Variants in ABLIM2 observed in about 807,000 individuals in gnomAD.
ABLIM2 encodes the protein actin binding LIM protein family member 2, also known as actin-binding LIM protein 2.
A neutral mutation model predicts 97.7 loss-of-function variants in ABLIM2; 53 were observed. That is an observed-to-expected ratio of 0.54 (90% confidence interval 0.44 to 0.68). The LOEUF (loss-of-function observed/expected upper bound fraction) is 0.68, where lower values mean the gene tolerates loss of function less well. ABLIM2 is among the 30% of genes least tolerant of loss of function. ABLIM2 has a pLI of 0.00. For synonymous variants in ABLIM2, 361 were observed against 345.8 expected, an observed-to-expected ratio of 1.04 and a Z score of -0.49; for missense variants, 835 against 867.2, an observed-to-expected ratio of 0.96 and a Z score of 0.47.
chr4:8,077,836 C>A, intron 5 of ABLIM2, 115 bp from the exon 6 acceptor site: 2 of 826,020 alleles, frequency 2.4e-6, no homozygotes, highest in Non-Finnish European at 3.9e-6. Context: ...CCCACCTCCT[C>A]CTGCTCAGGT....
rs1444279576 is a variant in ABLIM2 at position 7,970,920 on chromosome 4, G to C, written c.1825-3817C>G. 6.6e-6 allele frequency among the ~76,000 whole-genome samples: 1 copy of C among 152,038 alleles called. No homozygotes were observed. Among genetic ancestry groups the C allele is most frequent in the African/African-American group, 2.4e-5 (1 of 41,416 alleles). On this transcript the variant is annotated intron_variant, in intron 20 of 20. Transcript: ENST00000447017. The surrounding 1 kb of genome is among the most constrained non-coding windows in gnomAD (Gnocchi z 5.3). ...GGACTTGGGGCCAGGGGTCTAGGGG[G>C]CTGACAGGGACCACCTCCCCGCAGG...
intron 6 of ABLIM2, among the ~76,000 whole-genome samples, chr4:8,073,960 G>A (rs889830883): frequency 6.6e-6 from 1 of 151,730 alleles, no homozygotes; most frequent in African/African-American, 2.4e-5. Context: ...GGTGGCTCAC[G>A]CCTGTAATCC....
chr4:7,995,847 C>G (rs1752946985), intron 16 of ABLIM2, among the ~76,000 whole-genome samples: 1 of 152,196 alleles, frequency 6.6e-6, no homozygotes, highest in Non-Finnish European at 1.5e-5. Context: ...CTCCCCCTCC[C>G]AGCCCCTCCT....
In ABLIM2 at chr4:8,095,897, C is replaced by T. The variant is rs1831324795; in HGVS notation, c.338+1202G>A. On this transcript the variant is annotated intron_variant, in intron 3 of 20. Transcript: ENST00000447017. The surrounding 1 kb of genome is among the most constrained non-coding windows in gnomAD (Gnocchi z 4.7). The stretch of plus-strand genomic sequence containing the variant: ...CTTGCAGCAACCTGGTCATTCTCTG[C>T]CCCACTGTGTGAAATTCCTCTGCGA... Among the ~76,000 whole-genome samples, 1 of 152,200 alleles carries T rather than the reference C, an allele frequency of 6.6e-6. No individual in the cohort carries two copies. The highest frequency in any genetic ancestry group is 6.5e-5 in the Admixed American group (1 of 15,282).
chr4:8,130,000 G>C (rs1219181470), intron 1 of ABLIM2, among the ~76,000 whole-genome samples: 1 of 152,204 alleles, frequency 6.6e-6, no homozygotes, highest in African/African-American at 2.4e-5. Flanking sequence ...AGCACAGCTG[G>C]TGCCCTGCGG....
In ABLIM2 at chr4:8,128,670, A is replaced by G. The variant is rs1301393216; in HGVS notation, c.11-22033T>C. 1.3e-5 allele frequency among the ~76,000 whole-genome samples: 2 copies of G among 152,080 alleles called. No individual in the cohort carries two copies. Among genetic ancestry groups the G allele is most frequent in the Non-Finnish European group, 2.9e-5 (2 of 68,018 alleles). ...AGCCCAAGGCCACTGCCGTGGATTG[A>G]ATGTGGTGTCCCCTCCCCAGACTCA... On this transcript the variant is annotated intron_variant, in intron 1 of 20. Transcript: ENST00000447017. This position sits in a 1 kb window ranked among gnomAD's most constrained non-coding sequence, Gnocchi z 4.9.
chr4:8,071,803 C>T lies in ABLIM2; in HGVS notation c.675+5825G>A, dbSNP rs936507383. The T allele has an allele frequency of 3.2e-4, 317 of 985,220 alleles. No individual in the cohort carries two copies. Among genetic ancestry groups the T allele is most frequent in the Middle Eastern group, 5.2e-4 (1 of 1,938 alleles). The allele number at this position is 985,220 out of a possible 1,614,324, so 61.0% of individuals were successfully genotyped here. On this transcript the variant is annotated intron_variant, in intron 6 of 20. Coordinates refer to ENST00000447017, the MANE Select transcript of ABLIM2 (RefSeq NM_001130083.2). The surrounding 1 kb of genome is among the most constrained non-coding windows in gnomAD (Gnocchi z 6.2). ...TTCTGGGCACCAGAGCCCAGTCTGACGGCCCTGCTTGAGTGCCGTGCTCCC... is the reference window on the plus strand; with the variant it reads ...TTCTGGGCACCAGAGCCCAGTCTGATGGCCCTGCTTGAGTGCCGTGCTCCC...
intron 15 of ABLIM2, among the ~76,000 whole-genome samples, chr4:8,008,588 C>T (rs1245565803): frequency 6.6e-6 from 1 of 152,230 alleles, no homozygotes; most frequent in African/African-American, 2.4e-5. Context: ...CTGCAGCCTC[C>T]TTTTGTCATG....
At chr4:8,131,986 C>A (rs534938828) in intron 1 of ABLIM2, among the ~76,000 whole-genome samples, 200 of 149,558 alleles carry the variant, frequency 1.3e-3, no homozygotes, top group Non-Finnish European at 2.5e-3. Flanking sequence ...GCACGGCAGC[C>A]CGCATCCCCT....
At chr4:8,129,687 C>T (rs4696766) in intron 1 of ABLIM2, among the ~76,000 whole-genome samples, 47,123 of 151,974 alleles carry the variant, frequency 0.31, 9,006 homozygotes, top group East Asian at 0.43. Context: ...GCGGACACAC[C>T]TTTCAGCAGC....
chr4:7,990,758 G>A (rs1448525324), intron 17 of ABLIM2, among the ~76,000 whole-genome samples: 1 of 152,172 alleles, frequency 6.6e-6, no homozygotes, highest in Non-Finnish European at 1.5e-5. Context: ...GCTGAGCAGG[G>A]CCGCCCTGAA....
intron 17 of ABLIM2, among the ~76,000 whole-genome samples, chr4:7,985,222 C>A (rs1236281985): frequency 6.6e-6 from 1 of 152,242 alleles, no homozygotes; most frequent in Non-Finnish European, 1.5e-5. Context: ...CCCCACTCTG[C>A]AGCTGGCACA....
Position 8,061,007 on chromosome 4 carries a change from G to A in ABLIM2, c.723C>T (p.Cys241=), listed in dbSNP as rs1443771907. 2.6e-5 allele frequency: 42 copies of A among 1,599,272 alleles called. No homozygotes were observed. Among genetic ancestry groups the A allele is most frequent in the African/African-American group, 4.0e-5 (3 of 74,682 alleles). The change falls in exon 7 of 21, where the codon TGC becomes TGT. Residue 241 remains cysteine (C), a synonymous_variant. Transcript: ENST00000447017. This position sits in a 1 kb window ranked among gnomAD's most constrained non-coding sequence, Gnocchi z 4.5. ...CTTCGCCTTCTGCAAACATCTGGCC[G>A]CACCTGACACATAGCGCGCAGGAAG... ...YHPSCALCVR[C]GQMFAEGEEM... is the part of the protein sequence containing the mutation.
intron 10 of ABLIM2, among the ~76,000 whole-genome samples, chr4:8,030,644 C>A (rs569229273): frequency 6.6e-6 from 1 of 152,234 alleles, no homozygotes. Context: ...TGCGCTTCAC[C>A]CTGCTCCCTT....
chr4:8,059,944 A>C (rs1332898741), intron 7 of ABLIM2, among the ~76,000 whole-genome samples: 45 of 150,128 alleles, frequency 3.0e-4, no homozygotes, highest in Non-Finnish European at 3.1e-4. Context: ...AAAACCCCAA[A>C]GCTGCCTCTT....
At chr4:8,064,484 A>G (rs1805680079) in intron 6 of ABLIM2, among the ~76,000 whole-genome samples, 1 of 152,216 alleles carries the variant, frequency 6.6e-6, no homozygotes, top group Non-Finnish European at 1.5e-5. Flanking sequence ...AAAGTTCCCA[A>G]CAGCCACAGG....
At position 7,985,496 on chromosome 4, in the gene ABLIM2, G is replaced by A. The variant is rs572927996; in HGVS notation, c.1681-603C>T. 6.6e-5 allele frequency among the ~76,000 whole-genome samples: 10 copies of A among 152,212 alleles called. No homozygotes were observed. In the East Asian group the frequency reaches 7.8e-4, roughly 12 times the overall value. ...ACTCCTAGGGTATTCTCAGAGCTAC[G>A]CGGACGCACGTGGCTGTGCGTGCGA... On this transcript the variant is annotated intron_variant, in intron 17 of 20. Coordinates refer to ENST00000447017, the MANE Select transcript of ABLIM2 (RefSeq NM_001130083.2).
intron 2 of ABLIM2, among the ~76,000 whole-genome samples, chr4:8,100,086 T>C (rs1486519855): frequency 6.6e-6 from 1 of 151,978 alleles, no homozygotes; most frequent in African/African-American, 2.4e-5. Context: ...CAGGAGAGGG[T>C]GGCGGCTGGG....
chr4:8,119,847 G>C (rs968166219), intron 1 of ABLIM2, among the ~76,000 whole-genome samples: 1 of 152,212 alleles, frequency 6.6e-6, no homozygotes, highest in African/African-American at 2.4e-5. Flanking sequence ...CTAGCCCTGA[G>C]TGAGCCTAAG....
Sources: gnomAD v4.1 joint callset for allele counts (sites outside exome capture counted in the v4.1 genomes callset) on GRCh38, gnomAD v4.1.1 for gene constraint, Gnocchi (gnomAD v3.1) non-coding constraint, MANE v1.5 for transcripts, NCBI Gene and HGNC (gene_info 2026-07-23, HGNC 2026-07-21) for gene names.